GARS1: variants seen among roughly 807,000 people sequenced by gnomAD.
GARS1 encodes the protein glycine--tRNA ligase.
GARS1 carries 46 observed loss-of-function variants against 86.4 expected under a neutral mutation model. The ratio of observed to expected loss-of-function variants is 0.53; its 90% CI spans 0.42 to 0.68. The LOEUF is 0.68. Among genes scored for constraint, GARS1 ranks in the 30% least tolerant of loss-of-function variants. GARS1 has a pLI of 0.00. For synonymous variants in GARS1, 342 were observed against 329.8 expected (o/e 1.04, Z -0.40); for missense variants, 797 against 915.6 (o/e 0.87, Z 1.67).
At chr7:30,624,613 GA>G (rs1023588721) in intron 12 of GARS1, among the ~76,000 whole-genome samples, 1 of 150,516 alleles carries the variant, frequency 6.6e-6, no homozygotes, top group African/African-American at 2.4e-5. Context: ...CAATCACCTG[GA>G]AAAAAAACAC....
At chr7:30,620,869 A>G (rs1056240342) in intron 10 of GARS1, among the ~76,000 whole-genome samples, 3 of 152,178 alleles carry the variant, frequency 2.0e-5, no homozygotes, top group African/African-American at 7.2e-5. Flanking sequence ...TTTCTGCCAA[A>G]TTCATTTTGA....
intron 10 of GARS1, 139 bp from the exon 11 acceptor site, chr7:30,621,254 T>C (rs1782999664): frequency 1.3e-6 from 1 of 768,648 alleles, no homozygotes; most frequent in East Asian, 2.7e-5. Context: ...ATTTCAAATA[T>C]TTATGAAATT....
At position 30,595,049 on chromosome 7, in the gene GARS1, C is replaced by T. The variant is rs570608946; in HGVS notation, c.128C>T (p.Pro43Leu). Residue 43 changes from proline to leucine, a missense_variant, in exon 1 of 17, where the codon CCG (proline) becomes CTG (leucine). Coordinates refer to ENST00000389266, the MANE Select transcript of GARS1 (RefSeq NM_002047.4). The stretch of plus-strand genomic sequence containing the variant: ...TCCCTCAGCGCGGCCTCCTGCCCCC[C>T]GATCTCCTTGCCCGCCGCCGCCTCC... ...RRSLSAASCP[P>L]ISLPAAASRS... 4 of 1,558,110 alleles carry T rather than the reference C, an allele frequency of 2.6e-6. 1 individual carries two copies. The Admixed American group carries it at 5.5e-5, about 22-fold the overall frequency.
At chr7:30,622,111 C>A in intron 11 of GARS1, 1 of 601,450 alleles carries the variant, frequency 1.7e-6, no homozygotes, top group Non-Finnish European at 2.9e-6. Flanking sequence ...GGAAAAGTTT[C>A]TATTGATGGT....
intron 13 of GARS1, 109 bp from the exon 14 acceptor site, chr7:30,628,451 C>G: frequency 1.3e-6 from 1 of 782,782 alleles, no homozygotes; most frequent in Non-Finnish European, 2.2e-6. Flanking sequence ...TCCCAAAATG[C>G]TGGGATTACA....
chr7:30,621,248 C>T (rs943859048), intron 10 of GARS1, 145 bp from the exon 11 acceptor site: 3 of 750,796 alleles, frequency 4.0e-6, no homozygotes, highest in African/African-American at 3.5e-5. Flanking sequence ...ATTCCCATTT[C>T]AAATATTTAT....
intron 10 of GARS1, among the ~76,000 whole-genome samples, chr7:30,621,045 TTTTTC>T (rs962114972): frequency 2.1e-4 from 31 of 151,030 alleles, no homozygotes; most frequent in Middle Eastern, 3.5e-3. Context: ...ATTATATATT[TTTTTC>T]TTTCTTTTTT....
Position 30,633,875 on chromosome 7 carries a change from A to G in GARS1, c.*15A>G, listed in dbSNP as rs774558565. 1.9e-6 allele frequency: 3 copies of G among 1,599,532 alleles called. No homozygotes were observed. Among genetic ancestry groups the G allele is most frequent in the African/African-American group, 2.8e-5 (2 of 72,036 alleles). ...TCGAGGAATGAGGACAATTTTGACA[A>G]CTTTTGACCACTTGCGCTAATAAAA... On this transcript the variant is annotated 3_prime_UTR_variant, in exon 17 of 17. Transcript: ENST00000389266.
At chr7:30,626,684 T>C (rs928016755) in intron 13 of GARS1, among the ~76,000 whole-genome samples, 2 of 152,182 alleles carry the variant, frequency 1.3e-5, no homozygotes, top group Non-Finnish European at 2.9e-5. Flanking sequence ...AAATAACTTG[T>C]TAAAAAGTCA....
chr7:30,614,082 A>G (rs1435034159), intron 8 of GARS1, among the ~76,000 whole-genome samples: 1 of 152,182 alleles, frequency 6.6e-6, no homozygotes, highest in Non-Finnish European at 1.5e-5. Context: ...CCTGCCTCCT[A>G]TCTATGAGCT....
chr7:30,606,511 T>G (rs1283590665), intron 6 of GARS1, among the ~76,000 whole-genome samples: 2 of 152,148 alleles, frequency 1.3e-5, no homozygotes, highest in East Asian at 1.9e-4. Context: ...TGCCTTTTCG[T>G]TTTTTCCTCC....
intron 13 of GARS1, 77 bp downstream of exon 13, chr7:30,626,396 C>G (rs1783128377): frequency 1.1e-6 from 1 of 920,626 alleles, no homozygotes; most frequent in South Asian, 1.4e-5. Context: ...GGGTCTTGCT[C>G]TGTCACCCAG....
intron 3 of GARS1, among the ~76,000 whole-genome samples, chr7:30,600,822 T>C (rs971969075): frequency 1.3e-5 from 2 of 152,236 alleles, no homozygotes; most frequent in Non-Finnish European, 2.9e-5. Context: ...ACTTTTGTTG[T>C]AGATTTTGGG....
chr7:30,604,837 A>G (rs949573431), intron 6 of GARS1, among the ~76,000 whole-genome samples: 2 of 152,232 alleles, frequency 1.3e-5, no homozygotes. Context: ...AAAATTTTCC[A>G]TTCAGAATTT....
intron 1 of GARS1, among the ~76,000 whole-genome samples, 195 bp from the exon 2 acceptor site, chr7:30,598,601 A>G (rs976623527): frequency 2.0e-5 from 3 of 151,988 alleles, no homozygotes; most frequent in Non-Finnish European, 4.4e-5. Context: ...GTTGGCCAGG[A>G]TGGTCTGAAA....
intron 6 of GARS1, 146 bp from the exon 7 acceptor site, chr7:30,609,439 G>T: frequency 3.0e-6 from 2 of 675,360 alleles, no homozygotes. Flanking sequence ...TGGTTTTAAT[G>T]TGGGTGTCCT....
At chr7:30,628,131 A>G (rs967893362) in intron 13 of GARS1, among the ~76,000 whole-genome samples, 1 of 152,140 alleles carries the variant, frequency 6.6e-6, no homozygotes, top group African/African-American at 2.4e-5. Context: ...ATACAGAGAT[A>G]AAAATCCATC....
Position 30,624,713 on chromosome 7 carries a change from A to G in GARS1, c.1614-1521A>G, listed in dbSNP as rs373230568. ...TCCACAAGAAGATGGGAGAAAAGGA[A>G]AAGGAACAAAGAACAGATGGGACAA... On this transcript the variant is annotated intron_variant, in intron 12 of 16. Coordinates refer to ENST00000389266, the MANE Select transcript of GARS1 (RefSeq NM_002047.4). Among the ~76,000 whole-genome samples the G allele has an allele frequency of 4.0e-4, 61 of 152,328 alleles. No homozygotes were observed. The East Asian group carries it at 8.1e-3, about 20-fold the overall frequency.
intron 4 of GARS1, 114 bp downstream of exon 4, chr7:30,601,314 T>C: frequency 1.0e-6 from 1 of 964,562 alleles, no homozygotes; most frequent in Non-Finnish European, 1.5e-6. Context: ...TCATTTCATG[T>C]AGAAAATCTG....
Sources: allele counts gnomAD v4.1 joint callset (sites outside exome capture counted in the v4.1 genomes callset), GRCh38; gene constraint gnomAD v4.1.1; transcripts MANE v1.5; gene names NCBI Gene and HGNC (gene_info 2026-07-23, HGNC 2026-07-21).